Variants in RTN1 observed in about 807,000 individuals in gnomAD.
The protein encoded by RTN1 is reticulon 1.
In RTN1, 25 loss-of-function variants were observed where a neutral mutation model predicts 65.5. That is an observed-to-expected ratio of 0.38 (90% CI 0.28 to 0.53). The LOEUF (loss-of-function observed/expected upper bound fraction) is 0.53, where lower values mean the gene tolerates loss of function less well. RTN1 is among the 20% of genes least tolerant of loss of function. The pLI, the probability that RTN1 is intolerant of heterozygous loss-of-function variation, is 0.79. For missense variants in RTN1, 983 were observed against 1,025.4 expected (o/e 0.96, Z 0.57); for synonymous variants, 471 against 447.6 (o/e 1.05, Z -0.66).
At chr14:59,776,154 T>C (rs1416196865) in intron 1 of RTN1, among the ~76,000 whole-genome samples, 1 of 152,150 alleles carries the variant, frequency 6.6e-6, no homozygotes, top group African/African-American at 2.4e-5. Flanking sequence ...CTTCTCTCCT[T>C]CTTCCTGACA....
rs541987404 is a variant in RTN1 at position 59,819,868 on chromosome 14, G to T, written c.241+50522C>A. Among the ~76,000 whole-genome samples, 9 of 152,264 alleles carry T rather than the reference G, an allele frequency of 5.9e-5. 1 individual carries two copies. Among genetic ancestry groups the T allele is most frequent in the African/African-American group, 2.2e-4 (9 of 41,574 alleles). On this transcript the variant is annotated intron_variant, in intron 1 of 8. Transcript: ENST00000267484. ...GCGCCAGCCAGCCGCTCCGAGTGCG[G>T]GGCCCCTTGAGCCCGCGCCCACCCA... is the stretch of plus-strand genomic sequence containing the variant.
intron 3 of RTN1, among the ~76,000 whole-genome samples, chr14:59,713,750 A>G (rs1884472568): frequency 6.6e-6 from 1 of 152,206 alleles, no homozygotes; most frequent in Non-Finnish European, 1.5e-5. Context: ...CAAGATTTGT[A>G]TAGTTTTTAA....
intron 3 of RTN1, among the ~76,000 whole-genome samples, chr14:59,614,103 A>G (rs1451907887): frequency 6.6e-6 from 1 of 152,182 alleles, no homozygotes; most frequent in Non-Finnish European, 1.5e-5. Flanking sequence ...TGAGACTCCC[A>G]GGAGAGATGG....
At chr14:59,676,534 A>G (rs1460677906) in intron 3 of RTN1, among the ~76,000 whole-genome samples, 7 of 152,194 alleles carry the variant, frequency 4.6e-5, no homozygotes, top group Non-Finnish European at 1.0e-4. Flanking sequence ...TACCTACCTA[A>G]TCGATGATTG....
intron 1 of RTN1, among the ~76,000 whole-genome samples, chr14:59,862,050 T>C (rs1435343930): frequency 6.6e-6 from 1 of 152,230 alleles, no homozygotes; most frequent in Admixed American, 6.5e-5. Context: ...GATATTTTAG[T>C]AATTTCACCA....
intron 2 of RTN1, among the ~76,000 whole-genome samples, chr14:59,730,399 T>G (rs1196637240): frequency 6.6e-6 from 1 of 152,116 alleles, no homozygotes; most frequent in Non-Finnish European, 1.5e-5. Context: ...AGCCTAAATA[T>G]AAGAGCTAAA....
At chr14:59,862,109 T>C (rs914537475) in intron 1 of RTN1, among the ~76,000 whole-genome samples, 1 of 152,218 alleles carries the variant, frequency 6.6e-6, no homozygotes, top group Non-Finnish European at 1.5e-5. Flanking sequence ...ACCCCCACCA[T>C]GAACTATTTT....
intron 1 of RTN1, among the ~76,000 whole-genome samples, chr14:59,869,953 C>T (rs1190143422): frequency 6.6e-6 from 1 of 152,062 alleles, no homozygotes; most frequent in African/African-American, 2.4e-5. Flanking sequence ...CGGGCCTGCC[C>T]GCCGCTCGGT....
rs917221097 is a variant in RTN1 at position 59,870,748 on chromosome 14, C to T, written c.-118G>A. Reference sequence around the variant, plus strand: ...TCGGCGCTCAGGGAAGCTGCGGTGTCTCAGCGTCGCCGCCGCCTCTGCTGC... The same window carrying T: ...TCGGCGCTCAGGGAAGCTGCGGTGTTTCAGCGTCGCCGCCGCCTCTGCTGC... On this transcript the variant is annotated 5_prime_UTR_variant, in exon 1 of 9. Coordinates refer to ENST00000267484, the MANE Select transcript of RTN1 (RefSeq NM_021136.3). The surrounding 1 kb of genome is among the most constrained non-coding windows in gnomAD (Gnocchi z 5.1). 12 of 1,141,844 alleles carry T rather than the reference C, an allele frequency of 1.1e-5. No homozygotes were observed. Among genetic ancestry groups the T allele is most frequent in the Non-Finnish European group, 6.7e-6 (6 of 901,660 alleles). The allele number at this position is 1,141,844 out of a possible 1,614,324, so 70.7% of individuals were successfully genotyped here. A position where few individuals can be genotyped will look rare whatever the true frequency, so the allele number is the denominator to read the frequency against.
intron 6 of RTN1, 38 bp downstream of exon 6, chr14:59,603,814 G>C (rs757617189): frequency 6.5e-7 from 1 of 1,534,202 alleles, no homozygotes; most frequent in South Asian, 1.1e-5. Flanking sequence ...TTCACAGAGG[G>C]GGTGAAGGAA....
chr14:59,739,010 G>A (rs76605418), intron 2 of RTN1, among the ~76,000 whole-genome samples: 3 of 152,226 alleles, frequency 2.0e-5, no homozygotes, highest in Non-Finnish European at 4.4e-5. Context: ...GACGGTGAAG[G>A]GGGAGGAAGG....
At chr14:59,702,018 A>G (rs1594687113) in intron 3 of RTN1, among the ~76,000 whole-genome samples, 1 of 152,314 alleles carries the variant, frequency 6.6e-6, no homozygotes, top group African/African-American at 2.4e-5. Context: ...TTTTACAAAA[A>G]AAATTATATC....
At chr14:59,737,876 A>G (rs1885032561) in intron 2 of RTN1, among the ~76,000 whole-genome samples, 1 of 152,236 alleles carries the variant, frequency 6.6e-6, no homozygotes, top group East Asian at 1.9e-4. Context: ...CAACCATCTG[A>G]TCTTTGACTA....
At chr14:59,773,885 T>G (rs1482982784) in intron 1 of RTN1, among the ~76,000 whole-genome samples, 1 of 152,178 alleles carries the variant, frequency 6.6e-6, no homozygotes, top group East Asian at 1.9e-4. Context: ...CCCATCCTCT[T>G]CATTTTTGAC....
intron 1 of RTN1, among the ~76,000 whole-genome samples, chr14:59,862,106 C>A (rs1337528020): frequency 3.3e-5 from 5 of 152,214 alleles, no homozygotes; most frequent in Non-Finnish European, 7.3e-5. Flanking sequence ...CCAACCCCCA[C>A]CATGAACTAT....
At chr14:59,709,732 G>A (rs1884375721) in intron 3 of RTN1, among the ~76,000 whole-genome samples, 1 of 152,094 alleles carries the variant, frequency 6.6e-6, no homozygotes, top group South Asian at 2.1e-4. Context: ...ATAATTGAAA[G>A]CATATAACAA....
At position 59,750,231 on chromosome 14, in the gene RTN1, T is replaced by TATATAATATATA. The variant is rs1382049225; in HGVS notation, c.242-3751_242-3750insTATATATTATAT. 1.4e-3 allele frequency among the ~76,000 whole-genome samples: 56 copies of TATATAATATATA among 39,538 alleles called. 1 individual carries two copies. The highest frequency in any genetic ancestry group is 2.3e-3 in the Admixed American group (4 of 1,722). The allele number at this position is 39,538 out of a possible 152,430, so 25.9% of individuals were successfully genotyped here. A position where few individuals can be genotyped will look rare whatever the true frequency, so the allele number is the denominator to read the frequency against. ...TATAATATATATATTATATCTATAATATATATATTATATCTATAATATATA... is the reference window on the plus strand; with the variant it reads ...TATAATATATATATTATATCTATAATATATAATATATAATATATATTATATCTATAATATATA... On this transcript the variant is annotated intron_variant, in intron 1 of 8. Coordinates refer to ENST00000267484, the MANE Select transcript of RTN1 (RefSeq NM_021136.3).
Position 59,746,403 on chromosome 14 carries a change from G to C in RTN1, c.320C>G (p.Ser107Cys). ...SKDGEGSCYT[S>C]LISDICYPPQ... ...TGGATAGCAGATGTCAGAAATGAGA[G>C]ATGTGTAACACGATCCTTCCCCATC... The change falls in exon 2 of 9, where the codon TCT becomes TGT. Residue 107 changes from serine (S) to cysteine (C), a missense_variant. Around this residue, in one of 2 missense-constraint regions of RTN1, gnomAD observed 818 missense variants for 801.8 expected, o/e 1.02. Transcript: ENST00000267484. 6.2e-7 allele frequency: 1 copy of C among 1,613,972 alleles called. No homozygotes were observed. The highest frequency in any genetic ancestry group is 8.5e-7 in the Non-Finnish European group (1 of 1,179,920).
intron 3 of RTN1, among the ~76,000 whole-genome samples, chr14:59,693,238 T>TA (rs1225518068): frequency 6.6e-6 from 1 of 152,250 alleles, no homozygotes; most frequent in Non-Finnish European, 1.5e-5. Flanking sequence ...CAGTATTGGT[T>TA]AAAAACAAAG....
Sources: allele counts gnomAD v4.1 joint callset (sites outside exome capture counted in the v4.1 genomes callset), GRCh38; gene constraint gnomAD v4.1.1; regional missense constraint gnomAD v4.1.1; non-coding constraint Gnocchi (gnomAD v3.1); transcripts MANE v1.5; gene names NCBI Gene and HGNC (gene_info 2026-07-23, HGNC 2026-07-21).